The following CDH20 variants were observed in gnomAD, a reference collection of about 807,000 sequenced individuals.
CDH20 encodes cadherin-20.
CDH20 carries 29 observed loss-of-function variants against 74.2 expected under a neutral mutation model. The observed-to-expected ratio is 0.39, with a 90% CI of 0.29 to 0.53. The LOEUF is 0.53. Ranked by LOEUF, CDH20 falls within the 20% of genes least tolerant of loss-of-function variation. CDH20 has a pLI of 0.69. For missense variants in CDH20, 988 were observed against 1,048.3 expected (o/e 0.94, Z 0.79); for synonymous variants, 469 against 405.4 (o/e 1.16, Z -1.88).
chr18:61,338,920 A>T (rs1909845641), intron 1 of CDH20, among the ~76,000 whole-genome samples: 1 of 152,190 alleles, frequency 6.6e-6, no homozygotes, highest in African/African-American at 2.4e-5. Context: ...TAGATTCTTT[A>T]AAAATATGTG....
At chr18:61,538,719 C>A (rs148830622) in intron 8 of CDH20, among the ~76,000 whole-genome samples, 1 of 148,932 alleles carries the variant, frequency 6.7e-6, no homozygotes, top group Admixed American at 6.7e-5. Context: ...CCCGGGTTCA[C>A]GCCATTCTCC....
chr18:61,414,935 G>A (rs975443342), intron 1 of CDH20, among the ~76,000 whole-genome samples: 2 of 151,820 alleles, frequency 1.3e-5, no homozygotes, highest in African/African-American at 2.4e-5. Context: ...CCAGAACTTC[G>A]TATTTCCAAA....
intron 1 of CDH20, among the ~76,000 whole-genome samples, chr18:61,473,173 A>C (rs1462127708): frequency 6.6e-6 from 1 of 152,214 alleles, no homozygotes; most frequent in East Asian, 1.9e-4. Flanking sequence ...TTTTGAAACA[A>C]CTTGGGGAAA....
intron 1 of CDH20, among the ~76,000 whole-genome samples, chr18:61,420,795 C>T (rs1912849296): frequency 6.6e-6 from 1 of 152,184 alleles, no homozygotes; most frequent in African/African-American, 2.4e-5. Flanking sequence ...TGGCTCACTC[C>T]TGTAATCCCA....
intron 1 of CDH20, among the ~76,000 whole-genome samples, chr18:61,365,606 A>G (rs1910831657): frequency 6.6e-6 from 1 of 152,004 alleles, no homozygotes; most frequent in Non-Finnish European, 1.5e-5. Context: ...GCTTTTTTTT[A>G]ACCTTATATT....
intron 1 of CDH20, among the ~76,000 whole-genome samples, chr18:61,361,940 T>C (rs1910706801): frequency 6.6e-6 from 1 of 152,148 alleles, no homozygotes; most frequent in African/African-American, 2.4e-5. Context: ...AGTTGTGCAG[T>C]GCTTTATGTT....
intron 1 of CDH20, among the ~76,000 whole-genome samples, chr18:61,465,132 C>T (rs996445473): frequency 6.6e-6 from 1 of 152,116 alleles, no homozygotes; most frequent in Non-Finnish European, 1.5e-5. Context: ...AGAAATAAAC[C>T]AGTTGGCCTG....
At chr18:61,424,684 A>T (rs566286978) in intron 1 of CDH20, among the ~76,000 whole-genome samples, 1 of 152,186 alleles carries the variant, frequency 6.6e-6, no homozygotes, top group Non-Finnish European at 1.5e-5. Flanking sequence ...ATTCTTTTTC[A>T]TATTTACTTT....
intron 1 of CDH20, among the ~76,000 whole-genome samples, chr18:61,346,741 A>G (rs1046044996): frequency 6.6e-6 from 1 of 152,248 alleles, no homozygotes. Context: ...GAAATTGTAA[A>G]TGATCTGAAA....
chr18:61,352,235 T>A (rs983378022), intron 1 of CDH20, among the ~76,000 whole-genome samples: 2 of 152,192 alleles, frequency 1.3e-5, no homozygotes, highest in African/African-American at 4.8e-5. Flanking sequence ...TGACAGCAAC[T>A]GGTATTTCAT....
intron 1 of CDH20, among the ~76,000 whole-genome samples, chr18:61,352,243 C>T (rs879162304): frequency 6.6e-6 from 1 of 152,294 alleles, no homozygotes; most frequent in Admixed American, 6.5e-5. Context: ...ACTGGTATTT[C>T]ATTGTAAAAG....
chr18:61,529,797 G>A (rs927296511), intron 7 of CDH20, among the ~76,000 whole-genome samples: 1 of 152,134 alleles, frequency 6.6e-6, no homozygotes, highest in African/African-American at 2.4e-5. Flanking sequence ...AGTAAAATGA[G>A]GTAGACAAAA....
chr18:61,455,064 C>G (rs1909526847), intron 1 of CDH20, among the ~76,000 whole-genome samples: 1 of 152,200 alleles, frequency 6.6e-6, no homozygotes, highest in South Asian at 2.1e-4. Context: ...TTTCTGAAGT[C>G]ACTTCCAGCT....
intron 1 of CDH20, among the ~76,000 whole-genome samples, chr18:61,373,666 T>C (rs1352999762): frequency 6.6e-6 from 1 of 152,082 alleles, no homozygotes; most frequent in African/African-American, 2.4e-5. Flanking sequence ...AACTAACAAC[T>C]ACTGCTAGAA....
At chr18:61,524,591 C>T (rs1445370880) in intron 6 of CDH20, among the ~76,000 whole-genome samples, 1 of 152,132 alleles carries the variant, frequency 6.6e-6, no homozygotes, top group African/African-American at 2.4e-5. Flanking sequence ...GTTGTGCATC[C>T]ATACAACAGA....
At chr18:61,364,302 G>C (rs1910791514) in intron 1 of CDH20, among the ~76,000 whole-genome samples, 1 of 152,068 alleles carries the variant, frequency 6.6e-6, no homozygotes, top group African/African-American at 2.4e-5. Flanking sequence ...AGTGAATGAG[G>C]TGTGTTTGTT....
intron 1 of CDH20, among the ~76,000 whole-genome samples, chr18:61,470,566 A>T (rs1337113680): frequency 6.6e-6 from 1 of 152,070 alleles, no homozygotes; most frequent in South Asian, 2.1e-4. Flanking sequence ...ATGCCTGCTC[A>T]TTCACGCCTT....
intron 1 of CDH20, among the ~76,000 whole-genome samples, chr18:61,373,225 T>G (rs1911103499): frequency 6.6e-6 from 1 of 152,004 alleles, no homozygotes; most frequent in Admixed American, 6.6e-5. Flanking sequence ...TGTCTTCTTA[T>G]ATTTTCCCCC....
At chr18:61,520,422 C>T (rs963380520) in intron 6 of CDH20, among the ~76,000 whole-genome samples, 19 of 150,894 alleles carry the variant, frequency 1.3e-4, no homozygotes, top group African/African-American at 4.7e-4. Flanking sequence ...AATACAAGAG[C>T]ACCCAGATTC....
Sources: allele counts gnomAD v4.1 joint callset (sites outside exome capture counted in the v4.1 genomes callset), GRCh38; gene constraint gnomAD v4.1.1; transcripts MANE v1.5; gene names NCBI Gene and HGNC (gene_info 2026-07-23, HGNC 2026-07-21).